ABCD2: variants seen among roughly 807,000 people sequenced by gnomAD.
ABCD2 encodes the protein ATP binding cassette subfamily D member 2.
ABCD2 carries 36 observed loss-of-function variants against 70.9 expected under a neutral mutation model. The ratio of observed to expected loss-of-function variants is 0.51; its 90% CI spans 0.39 to 0.67. ABCD2 has a LOEUF of 0.67. Ranked by LOEUF, ABCD2 falls within the 30% of genes least tolerant of loss-of-function variation. The pLI is 0.00. For missense variants in ABCD2, 729 were observed against 890.2 expected, an observed-to-expected ratio of 0.82 and a Z score of 2.30; for synonymous variants, 304 against 306.9, an observed-to-expected ratio of 0.99 and a Z score of 0.10.
At chr12:39,555,120 C>A (rs1941142807) in intron 9 of ABCD2, among the ~76,000 whole-genome samples, 1 of 152,064 alleles carries the variant, frequency 6.6e-6, no homozygotes, top group Non-Finnish European at 1.5e-5. Flanking sequence ...CAAGCTCATG[C>A]AACCATCACC....
At chr12:39,590,536 A>T (rs928777848) in intron 6 of ABCD2, among the ~76,000 whole-genome samples, 19 of 151,936 alleles carry the variant, frequency 1.3e-4, no homozygotes, top group Non-Finnish European at 2.5e-4. Context: ...TTATTTAAAC[A>T]ATTATAATAA....
At chr12:39,558,834 A>G (rs188222000) in intron 9 of ABCD2, among the ~76,000 whole-genome samples, 76 of 152,298 alleles carry the variant, frequency 5.0e-4, no homozygotes, top group Admixed American at 9.2e-4. Context: ...AATACAGAGA[A>G]ACAATTCAGA....
At chr12:39,563,648 T>C (rs1018946637) in intron 9 of ABCD2, among the ~76,000 whole-genome samples, 9 of 152,148 alleles carry the variant, frequency 5.9e-5, no homozygotes, top group Non-Finnish European at 4.4e-5. Flanking sequence ...AATTATACTT[T>C]AAGTTTTAGG....
chr12:39,532,987 G>A, the ABCD2 span, among the ~76,000 whole-genome samples: 23 of 151,470 alleles, frequency 1.5e-4, no homozygotes, highest in Middle Eastern at 3.4e-3. Context: ...GCAAATCCCC[G>A]TCTCTACTGA....
chr12:39,579,827 A>G (rs1284280627), intron 7 of ABCD2, among the ~76,000 whole-genome samples: 1 of 152,062 alleles, frequency 6.6e-6, no homozygotes, highest in East Asian at 1.9e-4. Context: ...ATAACTTCTT[A>G]TACTGACAAA....
chr12:39,547,964 C>G (rs1941042650), downstream of ABCD2, among the ~76,000 whole-genome samples: 1 of 151,932 alleles, frequency 6.6e-6, no homozygotes, highest in African/African-American at 2.4e-5. Context: ...TAGAAGGTCC[C>G]TGCCTTATGA....
intron 9 of ABCD2, among the ~76,000 whole-genome samples, chr12:39,556,086 T>G (rs559587294): frequency 3.9e-5 from 6 of 152,166 alleles, no homozygotes; most frequent in Non-Finnish European, 5.9e-5. Context: ...AGCTAGACTA[T>G]GCAAACTGGA....
Position 39,568,698 on chromosome 12 carries a change from G to T in ABCD2, c.2003+5018C>A, listed in dbSNP as rs112318933. ...GCTGCGTTCCTTTGGAGGAGGAGAG[G>T]TGCTCTGATTTTTAGAGTTTCCAGT... On this transcript the variant is annotated intron_variant, in intron 9 of 9. Transcript: ENST00000308666. Among the ~76,000 whole-genome samples the T allele has an allele frequency of 2.0e-3, 309 of 152,278 alleles. 3 individuals carry two copies. Among genetic ancestry groups the T allele is most frequent in the African/African-American group, 6.7e-3 (278 of 41,556 alleles).
At chr12:39,573,612 T>G in intron 9 of ABCD2, 104 bp downstream of exon 9, 1 of 1,259,100 alleles carries the variant, frequency 7.9e-7, no homozygotes, top group East Asian at 2.5e-5. Flanking sequence ...GGGTAGAAAA[T>G]AAGTGAAATA....
At chr12:39,612,193 G>A (rs942845956) in intron 2 of ABCD2, among the ~76,000 whole-genome samples, 1 of 152,140 alleles carries the variant, frequency 6.6e-6, no homozygotes, top group African/African-American at 2.4e-5. Flanking sequence ...CTGAACCTAT[G>A]CATAGCCTGT....
intron 7 of ABCD2, among the ~76,000 whole-genome samples, chr12:39,584,591 C>T (rs1941640542): frequency 6.6e-6 from 1 of 152,114 alleles, no homozygotes; most frequent in East Asian, 1.9e-4. Flanking sequence ...AAGTCTTTGT[C>T]TGTTTCCATG....
At chr12:39,538,684 G>A in the ABCD2 span, among the ~76,000 whole-genome samples, 1 of 152,124 alleles carries the variant, frequency 6.6e-6, no homozygotes, top group South Asian at 2.1e-4. Flanking sequence ...CTGAAAGCTT[G>A]AAGGGATGAG....
intron 9 of ABCD2, among the ~76,000 whole-genome samples, chr12:39,565,466 T>C (rs533127039): frequency 6.6e-6 from 1 of 152,336 alleles, no homozygotes; most frequent in South Asian, 2.1e-4. Context: ...TTGTGATTTT[T>C]GCATATCGAT....
chr12:39,594,846 C>T (rs760332690), intron 6 of ABCD2, among the ~76,000 whole-genome samples: 2 of 151,938 alleles, frequency 1.3e-5, no homozygotes, highest in Non-Finnish European at 2.9e-5. Context: ...TCGTGGTGGG[C>T]GCCTGTAATC....
Position 39,619,198 on chromosome 12 carries a change from G to T in ABCD2, c.418C>A (p.Pro140Thr), listed in dbSNP as rs764987756. The change falls in exon 1 of 10, where the codon CCT (proline) becomes ACT (threonine). Residue 140 changes from proline to threonine, a missense_variant. By Grantham distance (38) the Pro-to-Thr change is conservative. Transcript: ENST00000308666. The stretch of plus-strand genomic sequence containing the variant: ...ATTAATTTGATGATGAAAGTCCGAG[G>T]CTTCTTTTCCACAATGCTTTTCACG... Reference protein sequence around the residue: ...KIVKSIVEKKPRTFIIKLIKW... With the variant: ...KIVKSIVEKKTRTFIIKLIKW... 1 of 1,614,168 alleles carries T rather than the reference G, an allele frequency of 6.2e-7. No homozygotes were observed. The highest frequency in any genetic ancestry group is 1.1e-5 in the South Asian group (1 of 91,080).
chr12:39,533,240 A>G, the ABCD2 span, among the ~76,000 whole-genome samples: 1 of 152,168 alleles, frequency 6.6e-6, no homozygotes, highest in Admixed American at 6.5e-5. Context: ...TTCACATGGC[A>G]TATAAGATTG....
Position 39,619,541 on chromosome 12 carries a change from G to A in ABCD2, c.75C>T (p.Cys25=). The A allele has an allele frequency of 6.2e-7, 1 of 1,611,626 alleles. No homozygotes were observed. The highest frequency in any genetic ancestry group is 2.2e-5 in the East Asian group (1 of 44,872). The change falls in exon 1 of 10, where the codon TGC becomes TGT. Residue 25 remains cysteine (C), a synonymous_variant. Coordinates refer to ENST00000308666, the MANE Select transcript of ABCD2 (RefSeq NM_005164.4). The part of the protein sequence containing the change: ...TRSSAAKRAA[C]LVAAAYALKT... ...TCAGAGCATATGCCGCAGCCACCAG[G>A]CAGGCAGCCCTCTTAGCAGCACTCG...
chr12:39,567,024 G>A lies in ABCD2; in HGVS notation c.2003+6692C>T, dbSNP rs575177276. Among the ~76,000 whole-genome samples, 9 of 152,136 alleles carry A rather than the reference G, an allele frequency of 5.9e-5. No individual in the cohort carries two copies. In the South Asian group the frequency reaches 1.5e-3, roughly 25 times the overall value. ...TTTGTTATAATTTCTGTTCTTTTAC[G>A]TTTGATGAGGAGTGCTTTACTTCCA... On this transcript the variant is annotated intron_variant, in intron 9 of 9. Transcript: ENST00000308666.
intron 3 of ABCD2, among the ~76,000 whole-genome samples, chr12:39,606,478 A>G (rs1340007891): frequency 1.3e-5 from 2 of 152,232 alleles, no homozygotes; most frequent in African/African-American, 4.8e-5. Flanking sequence ...AATTGTTATC[A>G]TTTCTCTAAC....
Sources: gnomAD v4.1 joint callset for allele counts (sites outside exome capture counted in the v4.1 genomes callset) on GRCh38, gnomAD v4.1.1 for gene constraint, MANE v1.5 for transcripts, NCBI Gene and HGNC (gene_info 2026-07-23, HGNC 2026-07-21) for gene names.